The following LINGO2 variants were observed in gnomAD, a reference collection of about 807,000 sequenced individuals.
LINGO2 encodes leucine-rich repeat and immunoglobulin-like domain-containing nogo receptor-interacting protein 2.
LINGO2 carries 14 observed loss-of-function variants against 30.6 expected under a neutral mutation model. The ratio of observed to expected loss-of-function variants is 0.46; its 90% CI spans 0.30 to 0.72. The LOEUF (loss-of-function observed/expected upper bound fraction) is 0.72. Among genes scored for constraint, LINGO2 ranks in the 30% least tolerant of loss-of-function variants. The pLI, the probability that LINGO2 is intolerant of heterozygous loss-of-function variation, is 0.07. For synonymous variants in LINGO2, 317 were observed against 288.5 expected (o/e 1.10, Z -1.00); for missense variants, 729 against 751.7 (o/e 0.97, Z 0.35).
the LINGO2 span, among the ~76,000 whole-genome samples, chr9:29,112,476 C>A: frequency 6.6e-6 from 1 of 152,154 alleles, no homozygotes; most frequent in Admixed American, 6.5e-5. Context: ...ATTCATGTGA[C>A]CACTTGCTCC....
At chr9:28,024,140 G>A (rs1380761633) in intron 4 of LINGO2, among the ~76,000 whole-genome samples, 1 of 152,204 alleles carries the variant, frequency 6.6e-6, no homozygotes, top group Non-Finnish European at 1.5e-5. Flanking sequence ...TGTGGGAACT[G>A]CAACTGGAAA....
chr9:28,852,552 A>AACTACATT, the LINGO2 span, among the ~76,000 whole-genome samples: 1 of 152,030 alleles, frequency 6.6e-6, no homozygotes, highest in African/African-American at 2.4e-5. Flanking sequence ...CTGTGACAGT[A>AACTACATT]ACTACATTAC....
At chr9:28,923,574 G>A in the LINGO2 span, among the ~76,000 whole-genome samples, 6 of 152,192 alleles carry the variant, frequency 3.9e-5, no homozygotes, top group East Asian at 1.9e-4. Flanking sequence ...TGTTCCAAGA[G>A]TGAATCCTGG....
intron 1 of LINGO2, among the ~76,000 whole-genome samples, chr9:28,525,266 G>C (rs538816424): frequency 4.6e-5 from 7 of 152,240 alleles, no homozygotes; most frequent in African/African-American, 1.7e-4. Context: ...ATGTACCATG[G>C]TTCTGGACTT....
At chr9:28,812,845 A>G in the LINGO2 span, among the ~76,000 whole-genome samples, 1 of 152,108 alleles carries the variant, frequency 6.6e-6, no homozygotes, top group Non-Finnish European at 1.5e-5. Flanking sequence ...CATGATAAGG[A>G]GACAGTCTGG....
At chr9:27,979,477 G>T (rs1045797476) in intron 5 of LINGO2, among the ~76,000 whole-genome samples, 1 of 151,848 alleles carries the variant, frequency 6.6e-6, no homozygotes, top group Non-Finnish European at 1.5e-5. Flanking sequence ...GAACCAAACT[G>T]GGTAGCCTCT....
At chr9:29,124,131 G>A in the LINGO2 span, among the ~76,000 whole-genome samples, 1 of 152,020 alleles carries the variant, frequency 6.6e-6, no homozygotes, top group African/African-American at 2.4e-5. Flanking sequence ...TCTGATCTTT[G>A]ACAAATCTGA....
At chr9:28,275,146 G>A (rs1303562516) in intron 4 of LINGO2, among the ~76,000 whole-genome samples, 1 of 151,992 alleles carries the variant, frequency 6.6e-6, no homozygotes, top group African/African-American at 2.4e-5. Context: ...TTGGCTCACT[G>A]CAAGCTCCGT....
In LINGO2 at chr9:28,187,070, C is replaced by T. The variant is rs1476828959; in HGVS notation, c.-87+108138G>A. Among the ~76,000 whole-genome samples, 7 of 152,134 alleles carry T rather than the reference C, an allele frequency of 4.6e-5. No homozygotes were observed. In the East Asian group the frequency reaches 5.8e-4, roughly 13 times the overall value. On this transcript the variant is annotated intron_variant, in intron 4 of 5. Transcript: ENST00000379992. Reference sequence around the variant, plus strand: ...AGACACAGGCAGACCAGTTAGGAGACTATAGCAGTCTTCTGGGAAATAAGT... The same window carrying T: ...AGACACAGGCAGACCAGTTAGGAGATTATAGCAGTCTTCTGGGAAATAAGT...
chr9:28,276,029 A>T (rs1270710959), intron 4 of LINGO2, among the ~76,000 whole-genome samples: 3 of 152,182 alleles, frequency 2.0e-5, no homozygotes, highest in Non-Finnish European at 4.4e-5. Context: ...TACAAAATTA[A>T]CATAATAGTA....
intron 4 of LINGO2, among the ~76,000 whole-genome samples, chr9:28,249,540 G>C (rs913448925): frequency 6.6e-6 from 1 of 152,012 alleles, no homozygotes; most frequent in Admixed American, 6.6e-5. Flanking sequence ...TTAAATTAAT[G>C]GGCCTTAAGA....
chr9:29,100,462 C>A, the LINGO2 span, among the ~76,000 whole-genome samples: 1 of 151,936 alleles, frequency 6.6e-6, no homozygotes, highest in Non-Finnish European at 1.5e-5. Flanking sequence ...GGGGTGGTGA[C>A]ACACTCCTGT....
the LINGO2 span, among the ~76,000 whole-genome samples, chr9:28,761,527 G>A: frequency 1.3e-5 from 2 of 151,118 alleles, no homozygotes; most frequent in East Asian, 2.0e-4. Context: ...TGTATTAAAG[G>A]CATATAAGAA....
chr9:28,359,703 C>G (rs1420292814), intron 3 of LINGO2, among the ~76,000 whole-genome samples: 1 of 152,154 alleles, frequency 6.6e-6, no homozygotes, highest in African/African-American at 2.4e-5. Context: ...AAACAAAAGA[C>G]ACAGTTACAT....
chr9:28,468,266 T>G (rs561883974), intron 2 of LINGO2, among the ~76,000 whole-genome samples: 1 of 152,310 alleles, frequency 6.6e-6, no homozygotes, highest in African/African-American at 2.4e-5. Context: ...ATGATGTCAA[T>G]ACCCAGTTCC....
chr9:28,910,181 C>T, the LINGO2 span, among the ~76,000 whole-genome samples: 14 of 151,958 alleles, frequency 9.2e-5, no homozygotes, highest in African/African-American at 3.4e-4. Flanking sequence ...CTGAGTAATA[C>T]TATATAGATA....
intron 4 of LINGO2, among the ~76,000 whole-genome samples, chr9:28,252,055 T>G (rs1822220445): frequency 6.6e-6 from 1 of 152,168 alleles, no homozygotes; most frequent in Admixed American, 6.6e-5. Context: ...ATATGAAATA[T>G]GAAGATCATG....
the LINGO2 span, among the ~76,000 whole-genome samples, chr9:28,835,810 G>A: frequency 2.6e-5 from 4 of 152,224 alleles, no homozygotes; most frequent in East Asian, 7.7e-4. Context: ...CTACTCCTAT[G>A]GAGACTGGGT....
intron 4 of LINGO2, among the ~76,000 whole-genome samples, chr9:28,073,022 T>C (rs1449097924): frequency 6.6e-6 from 1 of 152,006 alleles, no homozygotes; most frequent in African/African-American, 2.4e-5. Context: ...TTAGTTCACA[T>C]CTGCATGCTG....
Sources: gnomAD v4.1 joint callset for allele counts (sites outside exome capture counted in the v4.1 genomes callset) on GRCh38, gnomAD v4.1.1 for gene constraint, MANE v1.5 for transcripts, NCBI Gene and HGNC (gene_info 2026-07-23, HGNC 2026-07-21) for gene names.